The following TRPS1 variants were observed in gnomAD, a reference collection of about 807,000 sequenced individuals.
The protein encoded by TRPS1 is transcriptional repressor GATA binding 1.
In TRPS1, 6 loss-of-function variants were observed where a neutral mutation model predicts 101.2. The observed-to-expected ratio is 0.06, with a 90% CI of 0.03 to 0.12. The LOEUF is 0.12. Among genes scored for constraint, TRPS1 ranks in the 10% least tolerant of loss-of-function variants. TRPS1 has a pLI of 1.00. For synonymous variants in TRPS1, 578 were observed against 589.8 expected (o/e 0.98, Z 0.29); for missense variants, 1,363 against 1,567.0 (o/e 0.87, Z 2.20).
At chr8:115,533,436 G>GTTTTTTTTTTTTTCTTTTT (rs1816189208) in intron 5 of TRPS1, among the ~76,000 whole-genome samples, 1 of 34,986 alleles carries the variant, frequency 2.9e-5, no homozygotes, top group Admixed American at 4.5e-4. Flanking sequence ...CATGTAATCT[G>GTTTTTTTTTTTTTCTTTTT]TTTTTTTTTT....
At chr8:115,529,048 T>C (rs1440268948) in intron 5 of TRPS1, among the ~76,000 whole-genome samples, 1 of 151,916 alleles carries the variant, frequency 6.6e-6, no homozygotes, top group African/African-American at 2.4e-5. Context: ...AAGGAACCAA[T>C]GCTATGAGCT....
chr8:115,575,228 A>G (rs1338101535), intron 5 of TRPS1, among the ~76,000 whole-genome samples: 1 of 152,192 alleles, frequency 6.6e-6, no homozygotes, highest in Non-Finnish European at 1.5e-5. Flanking sequence ...AAATCGATAG[A>G]CAGTTTTTCT....
intron 5 of TRPS1, among the ~76,000 whole-genome samples, chr8:115,535,533 C>T (rs537826777): frequency 2.0e-5 from 3 of 147,608 alleles, no homozygotes; most frequent in East Asian, 2.0e-4. Flanking sequence ...GCATATATAG[C>T]GCATATATAT....
chr8:115,422,204 T>C (rs2129786699), intron 5 of TRPS1, among the ~76,000 whole-genome samples: 1 of 149,934 alleles, frequency 6.7e-6, no homozygotes, highest in East Asian at 1.9e-4. Context: ...TCGTTATTTT[T>C]AGAAAAAAAA....
chr8:115,649,613 TGGTCAACCTAGCTCACCTATG>T (rs1398998030), intron 1 of TRPS1, among the ~76,000 whole-genome samples: 3 of 152,236 alleles, frequency 2.0e-5, no homozygotes, highest in Non-Finnish European at 2.9e-5. Context: ...AGCCTTTCCC[TGGTCAACCTAGCTCACCTATG>T]GCCTGAGGTT....
At chr8:115,482,960 C>T (rs974060324) in intron 5 of TRPS1, among the ~76,000 whole-genome samples, 1 of 152,186 alleles carries the variant, frequency 6.6e-6, no homozygotes, top group Non-Finnish European at 1.5e-5. Flanking sequence ...TAAGCAGTAG[C>T]AATTTGCCTT....
rs778472809 is a variant in TRPS1 at position 115,587,147 on chromosome 8, C to T, written c.2554G>A (p.Ala852Thr). The change falls in exon 5 of 7, where the codon GCG becomes ACG. Residue 852 changes from alanine to threonine, a missense_variant. Ala to Thr is a moderately conservative substitution (Grantham distance 58, BLOSUM62 0). Around this residue, in one of 5 missense-constraint regions of TRPS1, gnomAD observed 1,020 missense variants for 1,073.0 expected, o/e 0.95. Transcript: ENST00000395715. ...ACAGCCAAGCCATAAATAGGTCGCG[C>T]CAGATGGGCGGCCTCCACATTGGGA... is the stretch of plus-strand genomic sequence containing the variant. ...DSPNVEAAHL[A>T]RPIYGLAVET... The T allele has an allele frequency of 6.2e-7, 1 of 1,614,176 alleles. No homozygotes were observed. The highest frequency in any genetic ancestry group is 8.5e-7 in the Non-Finnish European group (1 of 1,180,022).
chr8:115,516,186 G>C (rs986690226), intron 5 of TRPS1, among the ~76,000 whole-genome samples: 2 of 134 alleles, frequency 0.015, no homozygotes, highest in African/African-American at 0.071. Flanking sequence ...AATTATCACC[G>C]TAGGTTTTAA....
intron 5 of TRPS1, among the ~76,000 whole-genome samples, chr8:115,580,510 A>C (rs557114455): frequency 1.6e-4 from 25 of 152,136 alleles, no homozygotes; most frequent in African/African-American, 6.0e-4. Flanking sequence ...CCAACATCTA[A>C]GAATGCTCAA....
chr8:115,613,802 G>A (rs1348422792), intron 3 of TRPS1, among the ~76,000 whole-genome samples: 3 of 151,648 alleles, frequency 2.0e-5, no homozygotes, highest in Admixed American at 6.6e-5. Context: ...TCCAAAATTG[G>A]AAAAAAATAA....
chr8:115,425,854 AC>A (rs1813174274), intron 5 of TRPS1, among the ~76,000 whole-genome samples: 1 of 152,234 alleles, frequency 6.6e-6, no homozygotes, highest in South Asian at 2.1e-4. Context: ...CAAACCAAAC[AC>A]CCTGTGTCAT....
chr8:115,654,216 T>C (rs1403352535), intron 1 of TRPS1, among the ~76,000 whole-genome samples: 2 of 121,810 alleles, frequency 1.6e-5, no homozygotes, highest in African/African-American at 6.4e-5. Flanking sequence ...TGTGAAGTCA[T>C]GGCTAGAAAT....
chr8:115,667,760 C>A (rs1811958087), intron 1 of TRPS1: 5 of 1,378,792 alleles, frequency 3.6e-6, no homozygotes, highest in Middle Eastern at 1.8e-4. Flanking sequence ...TTGAAGCCTG[C>A]ATTTGCAAAC....
At chr8:115,605,625 A>G (rs905485872) in intron 3 of TRPS1, among the ~76,000 whole-genome samples, 3 of 152,202 alleles carry the variant, frequency 2.0e-5, no homozygotes, top group South Asian at 4.1e-4. Context: ...GCAAAGAAGA[A>G]CCGTGTAAAT....
At chr8:115,599,063 T>C (rs1353169854) in intron 4 of TRPS1, among the ~76,000 whole-genome samples, 1 of 152,196 alleles carries the variant, frequency 6.6e-6, no homozygotes, top group Non-Finnish European at 1.5e-5. Context: ...TTACCTACTC[T>C]CTATTCTGTA....
intron 3 of TRPS1, among the ~76,000 whole-genome samples, chr8:115,612,628 C>A (rs146374460): frequency 1.9e-4 from 29 of 152,282 alleles, no homozygotes; most frequent in African/African-American, 6.7e-4. Context: ...TTGGAACAAA[C>A]CATCATTTAT....
chr8:115,465,222 T>G (rs1007879222), intron 5 of TRPS1, among the ~76,000 whole-genome samples: 1 of 152,132 alleles, frequency 6.6e-6, no homozygotes, highest in South Asian at 2.1e-4. Flanking sequence ...TGCTGTTTTG[T>G]TGGTGAATCA....
Position 115,410,119 on chromosome 8 carries a change from G to T in TRPS1, c.*3904C>A, listed in dbSNP as rs1812755177. 1 of 151,884 alleles carries T rather than the reference G, an allele frequency of 6.6e-6. No homozygotes were observed. The highest frequency in any genetic ancestry group is 6.6e-5 in the Admixed American group (1 of 15,210). 9.4% of individuals were successfully genotyped at this position (151,884 alleles called of 1,614,324 possible). ...TACTAAACAGGGCAGCAGTTCACAG[G>T]TCTCAAGACCGGTCACTTTGTGATG... On this transcript the variant is annotated 3_prime_UTR_variant, in exon 7 of 7. Transcript: ENST00000395715.
intron 5 of TRPS1, among the ~76,000 whole-genome samples, chr8:115,498,987 A>G (rs1163951550): frequency 6.6e-6 from 1 of 152,164 alleles, no homozygotes; most frequent in Non-Finnish European, 1.5e-5. Flanking sequence ...TCTTTTGGAA[A>G]ATGAAGTACT....
Sources: gnomAD v4.1 joint callset for allele counts (sites outside exome capture counted in the v4.1 genomes callset) on GRCh38, gnomAD v4.1.1 for gene constraint, gnomAD v4.1.1 regional missense constraint, MANE v1.5 for transcripts, NCBI Gene and HGNC (gene_info 2026-07-23, HGNC 2026-07-21) for gene names.